The following LINGO2 variants were observed in gnomAD, a reference collection of about 807,000 sequenced individuals.
The protein encoded by LINGO2 is leucine rich repeat and Ig domain containing 2.
In LINGO2, 14 loss-of-function variants were observed where a neutral mutation model predicts 30.6. The ratio of observed to expected loss-of-function variants is 0.46; its 90% CI spans 0.30 to 0.72. LINGO2 has a LOEUF of 0.72. Among genes scored for constraint, LINGO2 ranks in the 30% least tolerant of loss-of-function variants. LINGO2 has a pLI of 0.07. For synonymous variants in LINGO2, 317 were observed against 288.5 expected, an observed-to-expected ratio of 1.10 and a Z score of -1.00; for missense variants, 729 against 751.7, an observed-to-expected ratio of 0.97 and a Z score of 0.35.
At chr9:28,302,962 G>T (rs1214838266) in intron 3 of LINGO2, among the ~76,000 whole-genome samples, 1 of 152,140 alleles carries the variant, frequency 6.6e-6, no homozygotes, top group Non-Finnish European at 1.5e-5. Flanking sequence ...ATTTAAACTT[G>T]TGACTTGTTA....
intron 1 of LINGO2, among the ~76,000 whole-genome samples, chr9:28,567,087 T>C (rs1346122906): frequency 2.0e-5 from 3 of 152,152 alleles, no homozygotes; most frequent in Admixed American, 6.5e-5. Flanking sequence ...AGGCTGTCTA[T>C]ATACCAGTGG....
intron 4 of LINGO2, among the ~76,000 whole-genome samples, chr9:28,070,307 T>G (rs760933548): frequency 2.2e-4 from 34 of 152,164 alleles, no homozygotes; most frequent in Non-Finnish European, 4.6e-4. Context: ...TACCTCTTGG[T>G]GGAAGCAAAT....
intron 4 of LINGO2, among the ~76,000 whole-genome samples, chr9:28,103,968 G>C (rs755090760): frequency 1.3e-5 from 2 of 151,978 alleles, no homozygotes; most frequent in Non-Finnish European, 2.9e-5. Context: ...CTTTTCCTTT[G>C]ATTGCAGATT....
intron 1 of LINGO2, among the ~76,000 whole-genome samples, chr9:28,601,568 CA>C (rs1825477957): frequency 7.0e-6 from 1 of 141,892 alleles, no homozygotes; most frequent in African/African-American, 2.6e-5. Context: ...GAGTGAGTGG[CA>C]CAATTAGCAT....
chr9:28,806,627 G>T, the LINGO2 span, among the ~76,000 whole-genome samples: 1 of 151,894 alleles, frequency 6.6e-6, no homozygotes, highest in Admixed American at 6.6e-5. Context: ...CAAAAACTAG[G>T]GCACCAGGTT....
chr9:27,986,696 C>T (rs1166641153), intron 5 of LINGO2, among the ~76,000 whole-genome samples: 3 of 151,764 alleles, frequency 2.0e-5, no homozygotes, highest in Non-Finnish European at 4.4e-5. Flanking sequence ...CTCGTCCCTC[C>T]TTGAGCACTT....
the LINGO2 span, among the ~76,000 whole-genome samples, chr9:28,941,242 G>A: frequency 6.6e-6 from 1 of 152,144 alleles, no homozygotes; most frequent in Admixed American, 6.6e-5. Context: ...TGAGAGGCCT[G>A]ACACTTCTCT....
chr9:28,826,519 G>A, the LINGO2 span, among the ~76,000 whole-genome samples: 1 of 152,072 alleles, frequency 6.6e-6, no homozygotes, highest in Non-Finnish European at 1.5e-5. Flanking sequence ...CCTGCCAAAA[G>A]CCTCAGTCTT....
At chr9:28,090,848 T>C (rs987706427) in intron 4 of LINGO2, among the ~76,000 whole-genome samples, 2 of 152,198 alleles carry the variant, frequency 1.3e-5, no homozygotes, top group Non-Finnish European at 2.9e-5. Context: ...GTTAAGTTGA[T>C]AGGCAACTTC....
At chr9:28,425,054 T>A (rs1434506636) in intron 2 of LINGO2, among the ~76,000 whole-genome samples, 1 of 151,954 alleles carries the variant, frequency 6.6e-6, no homozygotes. Flanking sequence ...GGGTTATTTT[T>A]AAATTTTCTA....
the LINGO2 span, among the ~76,000 whole-genome samples, chr9:29,051,656 T>C: frequency 6.6e-6 from 1 of 152,132 alleles, no homozygotes; most frequent in African/African-American, 2.4e-5. Flanking sequence ...TTAGGAGTTC[T>C]GAAAGGCTTT....
chr9:29,022,407 C>T, the LINGO2 span, among the ~76,000 whole-genome samples: 1 of 152,140 alleles, frequency 6.6e-6, no homozygotes, highest in Non-Finnish European at 1.5e-5. Flanking sequence ...TACAATTATT[C>T]CACATTAACC....
intron 4 of LINGO2, among the ~76,000 whole-genome samples, chr9:28,017,244 G>A (rs1822885366): frequency 6.6e-6 from 1 of 152,120 alleles, no homozygotes; most frequent in Admixed American, 6.6e-5. Flanking sequence ...ATACTGAACA[G>A]GCAAAAGCTG....
the LINGO2 span, among the ~76,000 whole-genome samples, chr9:29,200,397 C>T: frequency 1.3e-5 from 2 of 151,986 alleles, no homozygotes; most frequent in Non-Finnish European, 2.9e-5. Flanking sequence ...CAATCTTAAT[C>T]TTTGAATTTT....
At chr9:28,159,573 A>G (rs186219516) in intron 4 of LINGO2, among the ~76,000 whole-genome samples, 67 of 152,248 alleles carry the variant, frequency 4.4e-4, no homozygotes, top group South Asian at 3.9e-3. Flanking sequence ...TTTATCTTAG[A>G]TAATTGCTTT....
intron 1 of LINGO2, among the ~76,000 whole-genome samples, chr9:28,570,866 A>G (rs1055857376): frequency 1.3e-5 from 2 of 152,034 alleles, no homozygotes; most frequent in Non-Finnish European, 2.9e-5. Flanking sequence ...TTCTAAGTAG[A>G]CATGCATTGT....
chr9:28,862,689 T>C, the LINGO2 span, among the ~76,000 whole-genome samples: 3 of 152,094 alleles, frequency 2.0e-5, no homozygotes, highest in African/African-American at 7.2e-5. Flanking sequence ...TCCAGATGTG[T>C]CACTTAAGAA....
At chr9:28,398,628 A>C (rs1331902) in intron 2 of LINGO2, among the ~76,000 whole-genome samples, 1 of 151,896 alleles carries the variant, frequency 6.6e-6, no homozygotes, top group African/African-American at 2.4e-5. Context: ...ATCTCACAGC[A>C]TGCTGAGAAG....
the LINGO2 span, among the ~76,000 whole-genome samples, chr9:29,008,072 C>G: frequency 3.3e-5 from 5 of 152,106 alleles, no homozygotes; most frequent in African/African-American, 1.2e-4. Flanking sequence ...GCTATCCCTC[C>G]CCTCTCCCCT....
Sources: allele counts gnomAD v4.1 joint callset (sites outside exome capture counted in the v4.1 genomes callset), GRCh38; gene constraint gnomAD v4.1.1; transcripts MANE v1.5; gene names NCBI Gene and HGNC (gene_info 2026-07-23, HGNC 2026-07-21).